Variants in ECE1 observed in about 807,000 individuals in gnomAD.
ECE1 encodes endothelin-converting enzyme 1.
In ECE1, 35 loss-of-function variants were observed where a neutral mutation model predicts 98.6. The observed-to-expected ratio is 0.35, with a 90% CI of 0.27 to 0.47. The LOEUF is 0.47. ECE1 is among the 20% of genes least tolerant of loss of function. The pLI is 1.00. For missense variants in ECE1, 814 were observed against 1,025.3 expected (o/e 0.79, Z 2.81); for synonymous variants, 394 against 407.1 (o/e 0.97, Z 0.39).
intron 4 of ECE1, among the ~76,000 whole-genome samples, chr1:21,264,074 C>T (rs970100209): frequency 6.6e-6 from 1 of 152,122 alleles, no homozygotes; most frequent in Non-Finnish European, 1.5e-5. Context: ...AGAATGGAGT[C>T]AAGTTTCTTT....
At chr1:21,279,862 C>CT in intron 2 of ECE1, 2 of 356,446 alleles carry the variant, frequency 5.6e-6, no homozygotes, top group Non-Finnish European at 8.1e-6. Flanking sequence ...AGTGAGGAAA[C>CT]TGAGGTCCAG....
intron 1 of ECE1, among the ~76,000 whole-genome samples, chr1:21,344,774 C>T (rs1639465692): frequency 6.6e-6 from 1 of 152,200 alleles, no homozygotes; most frequent in South Asian, 2.1e-4. Flanking sequence ...TGCAGGGCCC[C>T]TGAGTGTCCC....
At position 21,322,535 on chromosome 1, in the gene ECE1, C is replaced by T. The variant is rs1206436481; in HGVS notation, c.3+22841G>A. 1.3e-5 allele frequency among the ~76,000 whole-genome samples: 2 copies of T among 152,236 alleles called. No individual in the cohort carries two copies. The highest frequency in any genetic ancestry group is 6.5e-5 in the Admixed American group (1 of 15,286). On this transcript the variant is annotated intron_variant, in intron 1 of 18. Coordinates refer to the ECE1 transcript ENST00000415912. This position sits in a 1 kb window ranked among gnomAD's most constrained non-coding sequence, Gnocchi z 4.1. ...CAGGTTGGGGCTGTGCCAGGCCCCC[C>T]ACATGTGTCACACTCCAGGGCCCCA...
chr1:21,341,809 C>T (rs28671419), intron 1 of ECE1, among the ~76,000 whole-genome samples: 14,630 of 145,828 alleles, frequency 0.1, 2,320 homozygotes, highest in African/African-American at 0.34. Context: ...TTCTCCCTAC[C>T]TTTTTTTTTT....
At position 21,220,140 on chromosome 1, in the gene ECE1, G is replaced by A. The variant is rs780379974; in HGVS notation, c.2137-9C>T. On this transcript the variant is annotated splice_polypyrimidine_tract_variant and intron_variant, in intron 18 of 18. Transcript: ENST00000374893. The surrounding 1 kb of genome is among the most constrained non-coding windows in gnomAD (Gnocchi z 5.0). ...CGGACGGAGCACCAGACCTTTGAAGGGGCAACAGGGAGAGGCCAGGGTCAC... is the reference window on the plus strand; with the variant it reads ...CGGACGGAGCACCAGACCTTTGAAGAGGCAACAGGGAGAGGCCAGGGTCAC... 3.1e-6 allele frequency: 5 copies of A among 1,605,790 alleles called. No individual in the cohort carries two copies. The highest frequency in any genetic ancestry group is 4.3e-6 in the Non-Finnish European group (5 of 1,174,166).
chr1:21,228,345 G>A lies in ECE1; in HGVS notation c.1671-304C>T, dbSNP rs564328328. Among the ~76,000 whole-genome samples the A allele has an allele frequency of 6.6e-5, 10 of 152,212 alleles. No homozygotes were observed. In the South Asian group the frequency reaches 1.5e-3, roughly 22 times the overall value. ...CTCCCAAAGTGCTGGAATTACAGGC[G>A]TGAGCCACTGTGCCTGGGTGCAGGA... is the stretch of plus-strand genomic sequence containing the variant. On this transcript the variant is annotated intron_variant, in intron 14 of 18. Transcript: ENST00000374893.
intron 1 of ECE1, among the ~76,000 whole-genome samples, chr1:21,320,535 A>G (rs1638941778): frequency 6.6e-6 from 1 of 152,226 alleles, no homozygotes; most frequent in Admixed American, 6.5e-5. Flanking sequence ...TGTGCTAAGC[A>G]CTTTCCATGT....
chr1:21,264,378 G>A (rs990160108), intron 4 of ECE1, among the ~76,000 whole-genome samples: 8 of 145,628 alleles, frequency 5.5e-5, no homozygotes, highest in Admixed American at 1.4e-4. Context: ...GCAGTGGCAC[G>A]AACTTGGCTC....
At chr1:21,262,132 G>T (rs905735802) in intron 4 of ECE1, among the ~76,000 whole-genome samples, 1 of 152,184 alleles carries the variant, frequency 6.6e-6, no homozygotes, top group Admixed American at 6.5e-5. Flanking sequence ...GCCCTGAAAG[G>T]GGGACGGGAC....
At chr1:21,259,580 G>A (rs2098224134) in intron 5 of ECE1, among the ~76,000 whole-genome samples, 2 of 152,202 alleles carry the variant, frequency 1.3e-5, no homozygotes, top group South Asian at 4.2e-4. Context: ...TGGCACATGG[G>A]ACCTGTCCAG....
chr1:21,274,172 C>T (rs1481931644), intron 3 of ECE1, among the ~76,000 whole-genome samples: 8 of 152,218 alleles, frequency 5.3e-5, no homozygotes, highest in Admixed American at 3.9e-4. Context: ...AGGGAGTGAA[C>T]GGAACAAGGT....
At chr1:21,291,108 C>G (rs555340348), upstream of ECE1, among the ~76,000 whole-genome samples, 2 of 152,212 alleles carry the variant, frequency 1.3e-5, no homozygotes, top group Non-Finnish European at 2.9e-5. Context: ...CATCTTCCCC[C>G]TCAAGACTCG....
chr1:21,296,501 A>G (rs1638358111), intron 1 of ECE1, among the ~76,000 whole-genome samples: 1 of 152,186 alleles, frequency 6.6e-6, no homozygotes. Flanking sequence ...TGACAGAGCA[A>G]GACCCTGTCT....
At chr1:21,266,096 T>C (rs2098233495) in intron 4 of ECE1, 1 of 152,120 alleles carries the variant, frequency 6.6e-6, no homozygotes, top group Non-Finnish European at 1.5e-5. Context: ...ACATCACTCC[T>C]CAGGGAGGAA....
At position 21,221,824 on chromosome 1, in the gene ECE1, T is replaced by C. The variant is rs369348578; in HGVS notation, c.2059A>G (p.Lys687Glu). 7 of 1,614,068 alleles carry C rather than the reference T, an allele frequency of 4.3e-6. No homozygotes were observed. Among genetic ancestry groups the C allele is most frequent in the Non-Finnish European group, 5.9e-6 (7 of 1,180,026 alleles). The stretch of plus-strand genomic sequence containing the variant: ...AGCGAGTGCTCAGCCCCGTTCTTCT[T>C]CACCCAGTTCTGGTAAGCCTGGGAG... ...AAYRAYQNWV[K>E]KNGAEHSLPT... Residue 687 changes from lysine to glutamate, a missense_variant, in exon 18 of 19, where the codon AAG becomes GAG. Coordinates refer to ENST00000374893, the MANE Select transcript of ECE1 (RefSeq NM_001397.3).
intron 1 of ECE1, among the ~76,000 whole-genome samples, chr1:21,323,419 G>A (rs1012842008): frequency 4.6e-5 from 7 of 152,130 alleles, no homozygotes; most frequent in African/African-American, 1.4e-4. Context: ...CCTACTACGT[G>A]TTAGCACTGT....
intron 1 of ECE1, among the ~76,000 whole-genome samples, chr1:21,341,009 T>C (rs1639387423): frequency 6.6e-6 from 1 of 152,112 alleles, no homozygotes; most frequent in South Asian, 2.1e-4. Flanking sequence ...CAGCGGTCTG[T>C]ACTCTTGCAC....
intron 3 of ECE1, among the ~76,000 whole-genome samples, chr1:21,275,032 C>T (rs1040337821): frequency 1.3e-5 from 2 of 152,224 alleles, no homozygotes; most frequent in South Asian, 2.1e-4. Context: ...TTGAGTATTA[C>T]GATATAACTC....
intron 10 of ECE1, 99 bp downstream of exon 10, chr1:21,244,890 A>C: frequency 1.7e-6 from 2 of 1,157,524 alleles, no homozygotes; most frequent in Non-Finnish European, 2.6e-6. Context: ...GCTTCTACCC[A>C]CCCCCAGCTG....
Sources: allele counts gnomAD v4.1 joint callset (sites outside exome capture counted in the v4.1 genomes callset), GRCh38; gene constraint gnomAD v4.1.1; non-coding constraint Gnocchi (gnomAD v3.1); transcripts MANE v1.5; gene names NCBI Gene and HGNC (gene_info 2026-07-23, HGNC 2026-07-21).